Variants in HCN1 observed in about 807,000 individuals in gnomAD.
HCN1 encodes potassium/sodium hyperpolarization-activated cyclic nucleotide-gated channel 1.
In HCN1, 13 loss-of-function variants were observed where a neutral mutation model predicts 78.9. That is an observed-to-expected ratio of 0.16 (90% CI 0.11 to 0.26). HCN1 has a LOEUF of 0.26. HCN1 is among the 10% of genes least tolerant of loss of function. HCN1 has a pLI of 1.00. For synonymous variants in HCN1, 552 were observed against 455.5 expected, an observed-to-expected ratio of 1.21 and a Z score of -2.70; for missense variants, 810 against 1,154.3, an observed-to-expected ratio of 0.70 and a Z score of 4.32.
rs115346793 is a variant in HCN1, at chr5:45,282,298, T to C, written c.1619-15045A>G. Reference sequence around the variant, plus strand: ...GTTTTCCCAATATCAATGTAAAACATGTTGTTGTTACTGGCTTTCTTATAT... The same window carrying C: ...GTTTTCCCAATATCAATGTAAAACACGTTGTTGTTACTGGCTTTCTTATAT... On this transcript the variant is annotated intron_variant, in intron 6 of 7. Transcript: ENST00000303230. 2.3e-3 allele frequency among the ~76,000 whole-genome samples: 351 copies of C among 152,314 alleles called. 3 individuals are homozygous for C. Among genetic ancestry groups the C allele is most frequent in the African/African-American group, 7.7e-3 (322 of 41,570 alleles).
chr5:45,411,828 G>A (rs765084155), intron 3 of HCN1, among the ~76,000 whole-genome samples: 3 of 152,044 alleles, frequency 2.0e-5, no homozygotes, highest in Non-Finnish European at 2.9e-5. Flanking sequence ...AATGCCAACA[G>A]TTCCCACAAT....
chr5:45,645,057 G>A, intron 2 of HCN1, 128 bp downstream of exon 2: 1 of 672,994 alleles, frequency 1.5e-6, no homozygotes, highest in Non-Finnish European at 2.5e-6. Flanking sequence ...ATGGAAAAGA[G>A]TCGTCGAATA....
chr5:45,466,608 T>C (rs1431343255), intron 2 of HCN1, among the ~76,000 whole-genome samples: 2 of 151,916 alleles, frequency 1.3e-5, no homozygotes, highest in Non-Finnish European at 2.9e-5. Context: ...ATGGAGTGTA[T>C]ACATACCATC....
At chr5:45,349,321 C>G (rs1041793290) in intron 5 of HCN1, among the ~76,000 whole-genome samples, 1 of 152,088 alleles carries the variant, frequency 6.6e-6, no homozygotes, top group Non-Finnish European at 1.5e-5. Context: ...TTCTTTGAAA[C>G]CAATGAGAAC....
chr5:45,382,674 T>G (rs559046229), intron 4 of HCN1, among the ~76,000 whole-genome samples: 71 of 152,170 alleles, frequency 4.7e-4, no homozygotes, highest in Non-Finnish European at 8.1e-4. Flanking sequence ...TCTGAAATAT[T>G]ATTAGCACTA....
At chr5:45,305,586 G>A (rs557660789) in intron 5 of HCN1, among the ~76,000 whole-genome samples, 1 of 152,112 alleles carries the variant, frequency 6.6e-6, no homozygotes, top group East Asian at 1.9e-4. Flanking sequence ...GATGCATGGA[G>A]TGTGGGTCTA....
chr5:45,678,547 CCTT>C (rs1739638414), intron 1 of HCN1, among the ~76,000 whole-genome samples: 1 of 151,874 alleles, frequency 6.6e-6, no homozygotes, highest in Non-Finnish European at 1.5e-5. Context: ...TTTAGAGCCT[CCTT>C]CTATTTTCAT....
intron 3 of HCN1, among the ~76,000 whole-genome samples, chr5:45,444,875 C>T (rs1022171389): frequency 6.6e-6 from 1 of 151,922 alleles, no homozygotes; most frequent in Non-Finnish European, 1.5e-5. Flanking sequence ...ATGTGCCATG[C>T]TGGTGTGCTG....
chr5:45,562,468 T>C (rs1315607911), intron 2 of HCN1, among the ~76,000 whole-genome samples: 3 of 152,038 alleles, frequency 2.0e-5, no homozygotes, highest in African/African-American at 7.2e-5. Flanking sequence ...GCCCAGCAAT[T>C]TGAGACCAGC....
intron 2 of HCN1, among the ~76,000 whole-genome samples, chr5:45,498,439 G>T (rs1742100416): frequency 6.6e-6 from 1 of 152,070 alleles, no homozygotes; most frequent in African/African-American, 2.4e-5. Flanking sequence ...AGCTCCATCA[G>T]CTCCTTTAAG....
At chr5:45,398,559 T>G (rs1247892499) in intron 3 of HCN1, among the ~76,000 whole-genome samples, 1 of 152,282 alleles carries the variant, frequency 6.6e-6, no homozygotes, top group South Asian at 2.1e-4. Flanking sequence ...TATACTGCCT[T>G]TTATTGAATT....
rs1419355988 is a variant in HCN1, at chr5:45,267,399, T to C, written c.1619-146A>G. The C allele has an allele frequency of 6.2e-6, 4 of 644,788 alleles. No homozygotes were observed. The East Asian group carries it at 1.1e-4, about 18-fold the overall frequency. 39.9% of individuals were successfully genotyped at this position (644,788 alleles called of 1,614,324 possible). A position where few individuals can be genotyped will look rare whatever the true frequency, so the allele number is the denominator to read the frequency against. On this transcript the variant is annotated intron_variant, in intron 6 of 7. Transcript: ENST00000303230. Reference sequence around the variant, plus strand: ...TTCTATTATATCAGCAAATTCCTTCTGACAAAAATATCCGACTGCCAATAC... The same window carrying C: ...TTCTATTATATCAGCAAATTCCTTCCGACAAAAATATCCGACTGCCAATAC...
At chr5:45,605,036 T>C (rs1396267652) in intron 2 of HCN1, among the ~76,000 whole-genome samples, 1 of 152,064 alleles carries the variant, frequency 6.6e-6, no homozygotes, top group Non-Finnish European at 1.5e-5. Flanking sequence ...ACATTGCAGA[T>C]TTTATACACT....
intron 2 of HCN1, among the ~76,000 whole-genome samples, chr5:45,561,128 A>T (rs1251802982): frequency 6.6e-6 from 1 of 152,062 alleles, no homozygotes; most frequent in African/African-American, 2.4e-5. Context: ...TTATATTTTT[A>T]AAAAACTTTA....
intron 2 of HCN1, among the ~76,000 whole-genome samples, chr5:45,493,140 C>G (rs973738728): frequency 6.6e-6 from 1 of 152,000 alleles, no homozygotes. Flanking sequence ...TGAGTTTAGT[C>G]TCAAAAACTA....
At chr5:45,478,014 T>C (rs1442948318) in intron 2 of HCN1, among the ~76,000 whole-genome samples, 3 of 152,044 alleles carry the variant, frequency 2.0e-5, no homozygotes, top group Admixed American at 1.3e-4. Context: ...AAATAATCCA[T>C]ATACTTTGAG....
Position 45,561,462 on chromosome 5 carries a change from A to G in HCN1, c.849+83723T>C, listed in dbSNP as rs139802580. Among the ~76,000 whole-genome samples, 262 of 152,256 alleles carry G rather than the reference A, an allele frequency of 1.7e-3. 2 individuals carry two copies. Among genetic ancestry groups the G allele is most frequent in the African/African-American group, 6.0e-3 (251 of 41,580 alleles). ...CTAAAGTCATTCTTCAAAGGCTAAA[A>G]TATTTTGTAAATCAGACTTTTAGTG... On this transcript the variant is annotated intron_variant, in intron 2 of 7. Transcript: ENST00000303230.
At chr5:45,372,540 CA>C (rs1747424696) in intron 4 of HCN1, among the ~76,000 whole-genome samples, 1 of 114,618 alleles carries the variant, frequency 8.7e-6, no homozygotes, top group African/African-American at 3.4e-5. Flanking sequence ...AAAACATTTA[CA>C]TATAAAAATA....
Position 45,262,206 on chromosome 5 carries a change from C to A in HCN1, c.2388G>T (p.Glu796Asp). The change falls in exon 8 of 8, where the codon GAG becomes GAT. Residue 796 changes from glutamate to aspartate, a missense_variant. By Grantham distance (45) the Glu-to-Asp change is conservative (BLOSUM62 2). Coordinates refer to ENST00000303230, the MANE Select transcript of HCN1 (RefSeq NM_021072.4). ...GAGGTCTGGAAATCAGAGTGGACAC[C>A]TCATGGGGCAGCGAGGGCTGCGAGG... ...LSASQPSLPH[E>D]VSTLISRPHP... The A allele has an allele frequency of 6.2e-7, 1 of 1,614,060 alleles. No individual in the cohort carries two copies. The highest frequency in any genetic ancestry group is 8.5e-7 in the Non-Finnish European group (1 of 1,180,034).
Sources: gnomAD v4.1 joint callset for allele counts (sites outside exome capture counted in the v4.1 genomes callset) on GRCh38, gnomAD v4.1.1 for gene constraint, MANE v1.5 for transcripts, NCBI Gene and HGNC (gene_info 2026-07-23, HGNC 2026-07-21) for gene names.